WWC1: variants seen among roughly 807,000 people sequenced by gnomAD.
WWC1 encodes WW and C2 domain containing 1.
Under a neutral mutation model 138.4 loss-of-function variants are expected in WWC1, and 55 were observed. The ratio of observed to expected loss-of-function variants is 0.40; its 90% CI spans 0.32 to 0.50. The LOEUF is 0.50. Among genes scored for constraint, WWC1 ranks in the 20% least tolerant of loss-of-function variants. The probability of loss-of-function intolerance (pLI) is 0.72; values close to 1 mark genes in which losing one functional copy is unlikely to be tolerated. For missense variants in WWC1, 1,226 were observed against 1,420.4 expected (o/e 0.86, Z 2.20); for synonymous variants, 524 against 564.9 (o/e 0.93, Z 1.03).
chr5:168,428,628 T>G, intron 12 of WWC1, 79 bp from the exon 13 acceptor site: 1 of 1,432,602 alleles, frequency 7.0e-7, no homozygotes, highest in South Asian at 1.2e-5. Context: ...CTTTCCTTCC[T>G]GGGGATGTAA....
At chr5:168,390,042 A>AC (rs1170609553) in intron 3 of WWC1, among the ~76,000 whole-genome samples, 1 of 152,224 alleles carries the variant, frequency 6.6e-6, no homozygotes, top group Non-Finnish European at 1.5e-5. Flanking sequence ...ATATTTTGAG[A>AC]CTATAGACCC....
At chr5:168,385,600 G>A (rs775286825) in intron 3 of WWC1, among the ~76,000 whole-genome samples, 186 bp downstream of exon 3, 2 of 152,094 alleles carry the variant, frequency 1.3e-5, no homozygotes, top group African/African-American at 2.4e-5. Flanking sequence ...TGCCATTTGC[G>A]TTTCATTTTA....
Position 168,404,403 on chromosome 5 carries a change from C to T in WWC1, c.591-1795C>T, listed in dbSNP as rs1470819528. On this transcript the variant is annotated intron_variant, in intron 5 of 22. Coordinates refer to ENST00000265293, the MANE Select transcript of WWC1 (RefSeq NM_015238.3). ...CTGATAGGCCTGCCGAGGCCCGAGT[C>T]CTGGAAAGGAATAGACAGGCTATTT... is the stretch of plus-strand genomic sequence containing the variant. Among the ~76,000 whole-genome samples, 3 of 152,344 alleles carry T rather than the reference C, an allele frequency of 2.0e-5. No homozygotes were observed. The East Asian group carries it at 5.8e-4, about 29-fold the overall frequency.
chr5:168,468,056 G>T (rs554215668), intron 22 of WWC1, 92 bp downstream of exon 22: 13 of 1,557,878 alleles, frequency 8.3e-6, no homozygotes, highest in Non-Finnish European at 1.1e-5. Context: ...CTCATCCCTT[G>T]CTCACAGAGC....
At chr5:168,385,179 T>C in intron 2 of WWC1, 32 bp from the exon 3 acceptor site, 1 of 1,611,850 alleles carries the variant, frequency 6.2e-7, no homozygotes, top group Non-Finnish European at 8.5e-7. Flanking sequence ...ATTTGTGAGA[T>C]GCTGACCTAG....
chr5:168,394,066 A>G (rs1324117994), intron 3 of WWC1, among the ~76,000 whole-genome samples: 1 of 152,180 alleles, frequency 6.6e-6, no homozygotes, highest in Non-Finnish European at 1.5e-5. Flanking sequence ...TGCTTTTAGG[A>G]TGACGGGGAG....
At chr5:168,455,256 G>A in intron 18 of WWC1, 100 bp from the exon 19 acceptor site, 1 of 1,387,076 alleles carries the variant, frequency 7.2e-7, no homozygotes, top group Non-Finnish European at 9.7e-7. Flanking sequence ...TGTGGGAAAA[G>A]GTGAGGTGAC....
At chr5:168,464,615 A>G (rs1397881835) in intron 20 of WWC1, 114 bp from the exon 21 acceptor site, 41 of 1,477,250 alleles carry the variant, frequency 2.8e-5, no homozygotes, top group Non-Finnish European at 3.7e-5. Flanking sequence ...GGCAAGCCCC[A>G]TTCGGAAGGA....
chr5:168,303,548 G>T (rs1770281175), intron 1 of WWC1, among the ~76,000 whole-genome samples: 1 of 152,276 alleles, frequency 6.6e-6, no homozygotes, highest in South Asian at 2.1e-4. Flanking sequence ...GGTCAAGGCT[G>T]CAGTGAGCCA....
rs569150355 is a variant in WWC1, at chr5:168,375,669, G to A, written c.229+4136G>A. On this transcript the variant is annotated intron_variant, in intron 2 of 22. Coordinates refer to ENST00000265293, the MANE Select transcript of WWC1 (RefSeq NM_015238.3). ...GTCTCACTGCAACCTCCACCTTCCG[G>A]GTTCAAGCAATTCTCCTGCCTCAGC... Among the ~76,000 whole-genome samples, 4 of 152,080 alleles carry A rather than the reference G, an allele frequency of 2.6e-5. No homozygotes were observed. The South Asian group carries it at 6.2e-4, about 24-fold the overall frequency.
chr5:168,387,783 G>A (rs1048867768), intron 3 of WWC1, among the ~76,000 whole-genome samples: 1 of 152,088 alleles, frequency 6.6e-6, no homozygotes, highest in Non-Finnish European at 1.5e-5. Context: ...TGGGGATTAG[G>A]ACATCAATGT....
chr5:168,454,164 G>A (rs1222019941), intron 18 of WWC1, 64 bp downstream of exon 18: 12 of 1,577,542 alleles, frequency 7.6e-6, no homozygotes, highest in Non-Finnish European at 1.0e-5. Context: ...CTTGTGCCGA[G>A]GCAGTCAGAA....
At chr5:168,397,607 T>C in intron 3 of WWC1, 117 bp from the exon 4 acceptor site, 1 of 999,146 alleles carries the variant, frequency 1.0e-6, no homozygotes, top group Non-Finnish European at 1.5e-6. Context: ...TTGTTGAACA[T>C]TTAGGTTGTT....
intron 1 of WWC1, among the ~76,000 whole-genome samples, chr5:168,343,525 C>T (rs1774217230): frequency 6.6e-6 from 1 of 152,120 alleles, no homozygotes; most frequent in Non-Finnish European, 1.5e-5. Flanking sequence ...GAGGGGCTGA[C>T]ATATATTAAG....
chr5:168,382,550 C>T (rs576197206), intron 2 of WWC1, among the ~76,000 whole-genome samples: 1 of 152,304 alleles, frequency 6.6e-6, no homozygotes, highest in East Asian at 1.9e-4. Context: ...TTTCTGTGGG[C>T]TGTGCCAGCT....
At chr5:168,324,707 G>A (rs1394969219) in intron 1 of WWC1, among the ~76,000 whole-genome samples, 2 of 151,770 alleles carry the variant, frequency 1.3e-5, no homozygotes, top group Non-Finnish European at 2.9e-5. Flanking sequence ...CAATAATTCA[G>A]TAAAAGTAAA....
chr5:168,361,921 A>C (rs1055661782), intron 1 of WWC1, among the ~76,000 whole-genome samples: 3 of 152,074 alleles, frequency 2.0e-5, no homozygotes, highest in Non-Finnish European at 4.4e-5. Flanking sequence ...ATCTCTACTA[A>C]AAATAGAAAA....
intron 1 of WWC1, among the ~76,000 whole-genome samples, chr5:168,306,763 A>G (rs2152745161): frequency 6.6e-6 from 1 of 151,886 alleles, no homozygotes; most frequent in East Asian, 2.0e-4. Flanking sequence ...CACCCAGCTA[A>G]TTTTTGTATT....
chr5:168,336,612 C>G (rs1773489137), intron 1 of WWC1, among the ~76,000 whole-genome samples: 1 of 151,206 alleles, frequency 6.6e-6, no homozygotes, highest in Non-Finnish European at 1.5e-5. Context: ...CTTGTGATCT[C>G]CATCCTCCTC....
Sources: gnomAD v4.1 joint callset for allele counts (sites outside exome capture counted in the v4.1 genomes callset) on GRCh38, gnomAD v4.1.1 for gene constraint, MANE v1.5 for transcripts, NCBI Gene and HGNC (gene_info 2026-07-23, HGNC 2026-07-21) for gene names.